ARHGAP8: variants seen among roughly 807,000 people sequenced by gnomAD.
ARHGAP8 encodes Rho GTPase activating protein 8, also known as rho GTPase-activating protein 8.
A neutral mutation model predicts 46.1 loss-of-function variants in ARHGAP8; 62 were observed. The observed-to-expected ratio is 1.34, with a 90% confidence interval of 1.10 to 1.66. The LOEUF (loss-of-function observed/expected upper bound fraction) is 1.66. Ranked by LOEUF, ARHGAP8 falls within the 40% of genes most tolerant of loss-of-function variation. ARHGAP8 has a pLI of 0.00. For synonymous variants in ARHGAP8, 375 were observed against 243.1 expected, an observed-to-expected ratio of 1.54 and a Z score of -5.05; for missense variants, 923 against 568.4, an observed-to-expected ratio of 1.62 and a Z score of -6.34.
chr22:44,848,967 C>G lies in ARHGAP8; in HGVS notation c.784C>G (p.His262Asp). The part of the protein sequence containing the change: ...PVNFDDYGDI[H>D]IPAVILKTFL... Reference sequence around the variant, plus strand: ...GAACTTTGACGACTACGGGGACATTCACATCCCTGCCGTGATCCTGAAGAC... The same window carrying G: ...GAACTTTGACGACTACGGGGACATTGACATCCCTGCCGTGATCCTGAAGAC... Residue 262 changes from histidine (H) to aspartate (D), a missense_variant, in exon 10 of 12, where the codon CAC becomes GAC. Physicochemically the swap from His to Asp is moderately conservative, Grantham distance 81. Coordinates refer to ENST00000356099, the MANE Select transcript of ARHGAP8 (RefSeq NM_181335.3). 3.1e-6 allele frequency: 5 copies of G among 1,614,128 alleles called. No individual in the cohort carries two copies. Among genetic ancestry groups the G allele is most frequent in the Non-Finnish European group, 4.2e-6 (5 of 1,180,050 alleles).
Position 44,802,124 on chromosome 22 carries a change from A to T in ARHGAP8, c.127A>T (p.Met43Leu). 1 of 1,614,140 alleles carries T rather than the reference A, an allele frequency of 6.2e-7. No individual in the cohort carries two copies. Among genetic ancestry groups the T allele is most frequent in the Non-Finnish European group, 8.5e-7 (1 of 1,179,990 alleles). Residue 43 changes from methionine to leucine, a missense_variant, in exon 3 of 12, where the codon ATG becomes TTG. Coordinates refer to ENST00000356099, the MANE Select transcript of ARHGAP8 (RefSeq NM_181335.3). The stretch of plus-strand genomic sequence containing the variant: ...TGTTGTCACGTTCAGCTGCTGCCGG[A>T]TGCCACCCTCCCACGAGCTGGACCA... Reference protein sequence around the residue: ...RRVVTFSCCRMPPSHELDHQR... With the variant: ...RRVVTFSCCRLPPSHELDHQR...
In ARHGAP8 at chr22:44,794,039, C is replaced by A. The variant is rs889189435; in HGVS notation, c.79+7433C>A. ...GGCATGCGCAGGGCAGAGGAAGGCG[C>A]GGAGGCTTGGCTGGGAGTCAGCCTC... On this transcript the variant is annotated intron_variant, in intron 2 of 11. Transcript: ENST00000356099. 4.9e-4 allele frequency among the ~76,000 whole-genome samples: 74 copies of A among 152,318 alleles called. 2 individuals are homozygous for A. The highest frequency in any genetic ancestry group is 1.7e-3 in the African/African-American group (71 of 41,580).
intron 5 of ARHGAP8, among the ~76,000 whole-genome samples, chr22:44,817,004 G>C (rs1929801151): frequency 6.6e-6 from 1 of 150,976 alleles, no homozygotes; most frequent in Non-Finnish European, 1.5e-5. Context: ...TCCTGCCTCA[G>C]CCTCCCAAGT....
chr22:44,830,193 T>G (rs1186103075), intron 7 of ARHGAP8, among the ~76,000 whole-genome samples: 1 of 151,606 alleles, frequency 6.6e-6, no homozygotes, highest in East Asian at 1.9e-4. Flanking sequence ...CCAGCTAAGT[T>G]TTGTATTTTT....
At position 44,862,717 on chromosome 22, in the gene ARHGAP8, A is replaced by T; in HGVS notation, c.*122A>T. 1 of 1,218,728 alleles carries T rather than the reference A, an allele frequency of 8.2e-7. No homozygotes were observed. Among genetic ancestry groups the T allele is most frequent in the African/African-American group, 1.5e-5 (1 of 65,872 alleles). The allele number at this position is 1,218,728 out of a possible 1,614,324, so 75.5% of individuals were successfully genotyped here. A position where few individuals can be genotyped will look rare whatever the true frequency, so the allele number is the denominator to read the frequency against. The stretch of plus-strand genomic sequence containing the variant: ...TAGATGAATTCAGAACCTTCTAATG[A>T]AAACTCCATGCCTCTGGTCCTTGGA... On this transcript the variant is annotated 3_prime_UTR_variant, in exon 12 of 12. Coordinates refer to ENST00000356099, the MANE Select transcript of ARHGAP8 (RefSeq NM_181335.3).
chr22:44,759,140 G>A (rs925399298), intron 1 of ARHGAP8, among the ~76,000 whole-genome samples: 17 of 152,182 alleles, frequency 1.1e-4, no homozygotes, highest in African/African-American at 3.1e-4. Context: ...GGATCCCGGG[G>A]TCTGTCCCAA....
intron 1 of ARHGAP8, among the ~76,000 whole-genome samples, chr22:44,775,087 T>C (rs1450482691): frequency 5.3e-5 from 8 of 152,098 alleles, no homozygotes; most frequent in Admixed American, 5.2e-4. Flanking sequence ...CTGCCTCGGC[T>C]TCCCAAAGTG....
rs764329474 is a variant in ARHGAP8 at position 44,859,718 on chromosome 22, C to T, written c.878-13C>T. ...CCCTCTGGAGCTCAGCAGGGAGCCC[C>T]ATGCCCTTCCAGGTGTGGAGAGCAG... On this transcript the variant is annotated splice_polypyrimidine_tract_variant and intron_variant, in intron 10 of 11. Transcript: ENST00000356099. 29 of 1,612,602 alleles carry T rather than the reference C, an allele frequency of 1.8e-5. No homozygotes were observed. Among genetic ancestry groups the T allele is most frequent in the Admixed American group, 1.0e-4 (6 of 59,998 alleles).
At chr22:44,813,766 C>G (rs1186897439) in intron 4 of ARHGAP8, among the ~76,000 whole-genome samples, 1 of 139,188 alleles carries the variant, frequency 7.2e-6, no homozygotes. Flanking sequence ...CCTATATACA[C>G]TTACACCTAC....
At chr22:44,852,601 T>A (rs2070124822) in intron 10 of ARHGAP8, among the ~76,000 whole-genome samples, 1 of 152,176 alleles carries the variant, frequency 6.6e-6, no homozygotes, top group South Asian at 2.1e-4. Context: ...TGTCTCATGT[T>A]GCATGAATCC....
At chr22:44,857,913 C>G (rs1474286853) in intron 10 of ARHGAP8, among the ~76,000 whole-genome samples, 2 of 118,460 alleles carry the variant, frequency 1.7e-5, no homozygotes, top group Non-Finnish European at 3.6e-5. Flanking sequence ...CCAGTCCTGC[C>G]TACTTGCCAG....
intron 2 of ARHGAP8, among the ~76,000 whole-genome samples, chr22:44,798,870 A>G (rs1366866443): frequency 2.6e-5 from 4 of 151,608 alleles, no homozygotes; most frequent in Admixed American, 6.6e-5. Flanking sequence ...GGTTCAAGCA[A>G]TTTCCTGCCT....
intron 2 of ARHGAP8, among the ~76,000 whole-genome samples, chr22:44,792,298 C>G (rs1218481260): frequency 6.6e-6 from 1 of 152,188 alleles, no homozygotes; most frequent in Non-Finnish European, 1.5e-5. Flanking sequence ...GCGTGAGCCA[C>G]TGCACCCGGC....
chr22:44,851,641 C>G (rs1383737146), intron 10 of ARHGAP8, among the ~76,000 whole-genome samples: 7 of 151,844 alleles, frequency 4.6e-5, no homozygotes, highest in Non-Finnish European at 8.8e-5. Context: ...GAGTTTGAGT[C>G]CAGCCTGGGA....
At position 44,822,357 on chromosome 22, in the gene ARHGAP8, T is replaced by G. The variant is rs1164472786; in HGVS notation, c.387-14T>G. On this transcript the variant is annotated splice_polypyrimidine_tract_variant and intron_variant, in intron 5 of 11. Transcript: ENST00000356099. ...GCCTAATCGTTCTTTATTCTCTTGC[T>G]TCTGCTTTCTTAGTCACAAGTTTGG... 1.9e-6 allele frequency: 3 copies of G among 1,578,296 alleles called. No individual in the cohort carries two copies. In the African/African-American group the frequency reaches 4.2e-5, roughly 22 times the overall value.
At chr22:44,831,532 A>G (rs1930945038) in intron 7 of ARHGAP8, among the ~76,000 whole-genome samples, 1 of 152,116 alleles carries the variant, frequency 6.6e-6, no homozygotes, top group African/African-American at 2.4e-5. Context: ...ACCCATCTCT[A>G]CTAATAATAC....
chr22:44,792,801 G>A (rs1032208191), intron 2 of ARHGAP8, among the ~76,000 whole-genome samples: 2 of 116,990 alleles, frequency 1.7e-5, no homozygotes, highest in African/African-American at 7.0e-5. Context: ...CAGTGGTGGT[G>A]GTGGTGGTGG....
At chr22:44,783,592 T>G (rs1050355196) in intron 1 of ARHGAP8, among the ~76,000 whole-genome samples, 1 of 152,140 alleles carries the variant, frequency 6.6e-6, no homozygotes, top group African/African-American at 2.4e-5. Context: ...CTTTCCCTGT[T>G]CATGCCTCTG....
intron 11 of ARHGAP8, among the ~76,000 whole-genome samples, chr22:44,861,566 C>G (rs1453046985): frequency 6.6e-6 from 1 of 152,202 alleles, no homozygotes; most frequent in Non-Finnish European, 1.5e-5. Context: ...GTTCTCTGCT[C>G]TGCCCTGGTA....
Sources: allele counts gnomAD v4.1 joint callset (sites outside exome capture counted in the v4.1 genomes callset), GRCh38; gene constraint gnomAD v4.1.1; transcripts MANE v1.5; gene names NCBI Gene and HGNC (gene_info 2026-07-23, HGNC 2026-07-21).